CFAP46: variants seen among roughly 807,000 people sequenced by gnomAD.
CFAP46 encodes cilia and flagella associated protein 46.
In CFAP46, 245 loss-of-function variants were observed where a neutral mutation model predicts 325.7. The observed-to-expected ratio is 0.75, with a 90% CI of 0.68 to 0.84. CFAP46 has a LOEUF of 0.84. Among genes scored for constraint, CFAP46 ranks in the 40% least tolerant of loss-of-function variants. The probability of loss-of-function intolerance (pLI) is 0.00; values close to 1 mark genes in which losing one functional copy is unlikely to be tolerated. For missense variants in CFAP46, 3,346 were observed against 3,543.0 expected (o/e 0.94, Z 1.41); for synonymous variants, 1,523 against 1,495.9 (o/e 1.02, Z -0.42).
rs1226530383 is a variant in CFAP46, at chr10:132,919,285, T to C, written c.1858+30A>G. 2.6e-6 allele frequency: 4 copies of C among 1,541,870 alleles called. No individual in the cohort carries two copies. The highest frequency in any genetic ancestry group is 3.5e-6 in the Non-Finnish European group (4 of 1,141,796). On this transcript the variant is annotated intron_variant, in intron 15 of 57. Transcript: ENST00000368586. This position sits in a 1 kb window ranked among gnomAD's most constrained non-coding sequence, Gnocchi z 9.7. ...ACCCAGAGGGCGGCCGTGGCCAGGC[T>C]GGGACACACTCGTGAGGGCGGGTAC...
chr10:132,920,081 C>T lies in CFAP46; in HGVS notation c.1708G>A (p.Gly570Ser). The stretch of plus-strand genomic sequence containing the variant: ...CACCTCTCCTTGTCGTTTTCGTTGC[C>T]CAGGCGCCGCAGGTGCCCGGCAGCT... The part of the protein sequence containing the change: ...DKAAGHLRRL[G>S]NENDKERIQI... Residue 570 changes from glycine to serine, a missense_variant, in exon 14 of 58, where the codon GGC (glycine) becomes AGC (serine). Gly to Ser is a moderately conservative substitution (Grantham distance 56). Transcript: ENST00000368586. The T allele has an allele frequency of 6.5e-7, 1 of 1,547,318 alleles. No homozygotes were observed. The highest frequency in any genetic ancestry group is 8.7e-7 in the Non-Finnish European group (1 of 1,145,772).
chr10:132,910,029 G>A lies in CFAP46; in HGVS notation c.2539C>T (p.Pro847Ser). 6.5e-7 allele frequency: 1 copy of A among 1,536,576 alleles called. No individual in the cohort carries two copies. The highest frequency in any genetic ancestry group is 8.8e-7 in the Non-Finnish European group (1 of 1,141,174). The change falls in exon 20 of 58, where the codon CCC becomes TCC. Residue 847 changes from proline (P) to serine (S), a missense_variant. Coordinates refer to ENST00000368586, the MANE Select transcript of CFAP46 (RefSeq NM_001200049.3). Reference protein sequence around the residue: ...FALNLTNGSAPEETVPTGTRQ... With the variant: ...FALNLTNGSASEETVPTGTRQ... ...GTGCCGGTGGGCACCGTCTCCTCGG[G>A]CGCACTCCCATTGGTCAGGTTCAGG...
chr10:132,837,842 GACAC>G (rs544854155), intron 44 of CFAP46, among the ~76,000 whole-genome samples: 2 of 123,628 alleles, frequency 1.6e-5, no homozygotes, highest in Non-Finnish European at 3.4e-5. Flanking sequence ...GACATGCACG[GACAC>G]ACACGCACAT....
At chr10:132,826,919 G>A (rs1200753882) in intron 50 of CFAP46, among the ~76,000 whole-genome samples, 3 of 152,202 alleles carry the variant, frequency 2.0e-5, no homozygotes, top group Admixed American at 6.5e-5. Context: ...CGCTGTGGGC[G>A]GCGAGCTGGG....
rs1273840116 is a variant in CFAP46 at position 132,908,631 on chromosome 10, C to G, written c.2761G>C (p.Val921Leu). ...DFTVPSLAQL[V>L]KMASECNWSD... is the part of the protein sequence containing the mutation. ...CAGTTGCACTCGGAAGCCATTTTCA[C>G]CAACTTCCGGTGGGTGGCAAGAGAA... The change falls in exon 22 of 58, where the codon GTG (valine) becomes CTG (leucine). Residue 921 changes from valine to leucine, a missense_variant. Transcript: ENST00000368586. 4 of 1,533,356 alleles carry G rather than the reference C, an allele frequency of 2.6e-6. No individual in the cohort carries two copies. Among genetic ancestry groups the G allele is most frequent in the Non-Finnish European group, 3.5e-6 (4 of 1,137,294 alleles). 95.0% of individuals were successfully genotyped at this position (1,533,356 alleles called of 1,614,324 possible).
At position 132,828,456 on chromosome 10, in the gene CFAP46, C is replaced by T. The variant is rs901109065; in HGVS notation, c.7117+4902G>A. Among the ~76,000 whole-genome samples the T allele has an allele frequency of 7.8e-4, 118 of 152,030 alleles. No individual in the cohort carries two copies. The highest frequency in any genetic ancestry group is 1.6e-3 in the African/African-American group (66 of 41,316). Reference sequence around the variant, plus strand: ...GCATTTCCTTGATAATTAATGATGTCGGGCATCCTTCCATCGTACTTTGTT... The same window carrying T: ...GCATTTCCTTGATAATTAATGATGTTGGGCATCCTTCCATCGTACTTTGTT... On this transcript the variant is annotated intron_variant, in intron 50 of 57. Coordinates refer to ENST00000368586, the MANE Select transcript of CFAP46 (RefSeq NM_001200049.3). The surrounding 1 kb of genome is among the most constrained non-coding windows in gnomAD (Gnocchi z 4.9).
At chr10:132,913,361 G>A in intron 17 of CFAP46, 103 bp from the exon 18 acceptor site, 1 of 377,106 alleles carries the variant, frequency 2.7e-6, no homozygotes, top group Non-Finnish European at 5.4e-6. Context: ...TGCAGGGCAA[G>A]AAGTGGGAGG....
At chr10:132,901,627 T>A (rs886869382) in intron 22 of CFAP46, among the ~76,000 whole-genome samples, 7 of 152,172 alleles carry the variant, frequency 4.6e-5, no homozygotes, top group African/African-American at 1.7e-4. Context: ...AATCCCACAA[T>A]AGGATGCTAT....
At chr10:132,904,308 G>A (rs1467465901) in intron 22 of CFAP46, among the ~76,000 whole-genome samples, 1 of 152,200 alleles carries the variant, frequency 6.6e-6, no homozygotes, top group Non-Finnish European at 1.5e-5. Context: ...GTTCTCTCCA[G>A]TCTCCTGGCA....
At chr10:132,863,075 C>T (rs60625496) in intron 35 of CFAP46, among the ~76,000 whole-genome samples, 12,148 of 152,192 alleles carry the variant, frequency 0.08, 1,255 homozygotes, top group African/African-American at 0.24. Context: ...CCCACGTTCG[C>T]GGGAGTCCAG....
intron 20 of CFAP46, 85 bp from the exon 21 acceptor site, chr10:132,909,329 T>G: frequency 1.1e-6 from 1 of 945,038 alleles, no homozygotes; most frequent in Non-Finnish European, 1.7e-6. Flanking sequence ...TGCAAGGTAT[T>G]AGTTTTATGG....
intron 17 of CFAP46, among the ~76,000 whole-genome samples, chr10:132,913,664 G>A (rs564561632): frequency 1.8e-4 from 27 of 152,266 alleles, no homozygotes; most frequent in African/African-American, 5.5e-4. Flanking sequence ...CCGCTGGGAC[G>A]GCTGGATGGT....
chr10:132,875,045 T>C (rs1167463118), intron 31 of CFAP46, among the ~76,000 whole-genome samples: 1 of 152,158 alleles, frequency 6.6e-6, no homozygotes, highest in Non-Finnish European at 1.5e-5. Flanking sequence ...ACTAAAGTTA[T>C]AAAGAGCTTA....
chr10:132,836,085 C>G, intron 46 of CFAP46, 57 bp downstream of exon 46: 1 of 1,397,650 alleles, frequency 7.2e-7, no homozygotes, highest in Non-Finnish European at 9.7e-7. Context: ...CCTCCCCACT[C>G]TCGCCCATGC....
chr10:132,859,309 G>A, intron 37 of CFAP46, 62 bp from the exon 38 acceptor site: 1 of 1,422,178 alleles, frequency 7.0e-7, no homozygotes, highest in South Asian at 1.3e-5. Flanking sequence ...AGGGCTTGCG[G>A]CTGGGCTGCC....
At chr10:132,912,560 T>A in intron 19 of CFAP46, 95 bp downstream of exon 19, 9 of 1,214,004 alleles carry the variant, frequency 7.4e-6, no homozygotes, top group Non-Finnish European at 1.0e-5. Context: ...TCTCTTCACC[T>A]CTCTCCTCTT....
chr10:132,826,082 C>G (rs1848042075), intron 50 of CFAP46, among the ~76,000 whole-genome samples: 1 of 139,934 alleles, frequency 7.1e-6, no homozygotes, highest in Non-Finnish European at 1.6e-5. Context: ...CGGAGCCAGG[C>G]AGGAGCCGGA....
intron 50 of CFAP46, among the ~76,000 whole-genome samples, chr10:132,822,624 T>C (rs1482477497): frequency 1.5e-5 from 2 of 135,660 alleles, no homozygotes; most frequent in African/African-American, 5.7e-5. Flanking sequence ...GTTGTGTGAG[T>C]GCTGATGTGT....
rs1205025309 is a variant in CFAP46, at chr10:132,887,611, CCT to C, written c.3305-1654_3305-1653del. ...TCTCCTCTCCCTTCTTCTCTCCTCT[CCT>C]CTCTCCTCTTCTCTCCTCTCCCTTC... is the stretch of plus-strand genomic sequence containing the variant. On this transcript the variant is annotated intron_variant, in intron 25 of 57. Transcript: ENST00000368586. Among the ~76,000 whole-genome samples, 180 of 57,020 alleles carry C rather than the reference CCT, an allele frequency of 3.2e-3. 8 individuals are homozygous for C. Among genetic ancestry groups the C allele is most frequent in the Middle Eastern group, 0.016 (1 of 64 alleles). The allele number at this position is 57,020 out of a possible 152,430, so 37.4% of individuals were successfully genotyped here.
Sources: gnomAD v4.1 joint callset for allele counts (sites outside exome capture counted in the v4.1 genomes callset) on GRCh38, gnomAD v4.1.1 for gene constraint, Gnocchi (gnomAD v3.1) non-coding constraint, MANE v1.5 for transcripts, NCBI Gene and HGNC (gene_info 2026-07-23, HGNC 2026-07-21) for gene names.